The following PDE4D variants were observed in gnomAD, a reference collection of about 807,000 sequenced individuals.
PDE4D encodes phosphodiesterase 4D.
Under a neutral mutation model 87.4 loss-of-function variants are expected in PDE4D, and 24 were observed. The ratio of observed to expected loss-of-function variants is 0.27; its 90% CI spans 0.20 to 0.39. The LOEUF (loss-of-function observed/expected upper bound fraction) is 0.39, where lower values mean the gene tolerates loss of function less well. Ranked by LOEUF, PDE4D falls within the 10% of genes least tolerant of loss-of-function variation. PDE4D has a pLI of 1.00. For missense variants in PDE4D, 714 were observed against 1,041.0 expected (o/e 0.69, Z 4.32); for synonymous variants, 384 against 383.2 (o/e 1.00, Z -0.02).
intron 5 of PDE4D, among the ~76,000 whole-genome samples, chr5:59,144,898 G>GA (rs1411939044): frequency 2.1e-5 from 3 of 143,408 alleles, no homozygotes; most frequent in Non-Finnish European, 4.6e-5. Context: ...AATGGGGGGG[G>GA]GGGGGGGAAC....
intron 1 of PDE4D, among the ~76,000 whole-genome samples, chr5:59,239,178 C>A (rs1402025661): frequency 6.6e-6 from 1 of 152,234 alleles, no homozygotes; most frequent in East Asian, 1.9e-4. Flanking sequence ...GTACTGCTGT[C>A]TGTTGATAGA....
chr5:60,106,060 G>A lies in PDE4D; in HGVS notation c.42+79497C>T, dbSNP rs1204532638. ...ATGCTCCAATTAAAAGACACAGACT[G>A]GCAAATTGGATAAAGGGTCAAGACC... On this transcript the variant is annotated intron_variant, in intron 2 of 16. Transcript: ENST00000502484. Among the ~76,000 whole-genome samples the A allele has an allele frequency of 3.3e-5, 5 of 152,102 alleles. No homozygotes were observed. In the South Asian group the frequency reaches 1.0e-3, roughly 32 times the overall value.
intron 1 of PDE4D, among the ~76,000 whole-genome samples, chr5:59,403,246 A>G (rs1464901743): frequency 6.6e-6 from 1 of 151,600 alleles, no homozygotes; most frequent in African/African-American, 2.4e-5. Context: ...ATGCATAATA[A>G]TATCAGGGTA....
At chr5:59,946,527 A>T (rs1229345220) in intron 3 of PDE4D, among the ~76,000 whole-genome samples, 4 of 152,200 alleles carry the variant, frequency 2.6e-5, no homozygotes, top group Non-Finnish European at 5.9e-5. Context: ...AGACTTTCTA[A>T]AGTATCCTGG....
intron 1 of PDE4D, among the ~76,000 whole-genome samples, chr5:59,409,760 ATTTC>A (rs1434613046): frequency 1.3e-5 from 2 of 151,918 alleles, no homozygotes; most frequent in African/African-American, 4.8e-5. Flanking sequence ...TCTCTCAGGT[ATTTC>A]TTTATAGCAA....
intron 2 of PDE4D, among the ~76,000 whole-genome samples, chr5:60,018,561 C>T (rs893486745): frequency 6.6e-6 from 1 of 152,118 alleles, no homozygotes; most frequent in African/African-American, 2.4e-5. Context: ...GATAAAGAAT[C>T]AAGACACATC....
intron 1 of PDE4D, among the ~76,000 whole-genome samples, chr5:60,257,378 T>C (rs1054599584): frequency 1.3e-5 from 2 of 152,118 alleles, no homozygotes; most frequent in South Asian, 2.1e-4. Context: ...GCTATTATTT[T>C]CTTTGCTATA....
At chr5:60,280,604 G>A (rs1367080558) in intron 1 of PDE4D, among the ~76,000 whole-genome samples, 1 of 151,802 alleles carries the variant, frequency 6.6e-6, no homozygotes, top group East Asian at 1.9e-4. Flanking sequence ...GGCAGGGAGA[G>A]CTACACTTCG....
At chr5:60,179,986 A>AT (rs1784249659) in intron 2 of PDE4D, among the ~76,000 whole-genome samples, 2 of 152,232 alleles carry the variant, frequency 1.3e-5, no homozygotes, top group Admixed American at 6.5e-5. Flanking sequence ...ATTTCTCTCC[A>AT]TTTTTTTGTA....
At chr5:59,955,550 G>A (rs1758733093) in intron 3 of PDE4D, among the ~76,000 whole-genome samples, 1 of 152,144 alleles carries the variant, frequency 6.6e-6, no homozygotes, top group African/African-American at 2.4e-5. Context: ...ACACTGCAGG[G>A]ATTACTCAGC....
intron 1 of PDE4D, among the ~76,000 whole-genome samples, chr5:60,453,834 CT>C (rs1448262298): frequency 2.0e-5 from 3 of 152,096 alleles, no homozygotes; most frequent in East Asian, 3.9e-4. Context: ...CTTTCATGAT[CT>C]TTTGAAGAAA....
intron 5 of PDE4D, among the ~76,000 whole-genome samples, chr5:59,049,175 T>C (rs545567661): frequency 6.6e-6 from 1 of 152,370 alleles, no homozygotes; most frequent in Admixed American, 6.5e-5. Context: ...GTATGACTTT[T>C]CTAATGTCAT....
At chr5:59,362,908 G>C (rs924952817) in intron 1 of PDE4D, among the ~76,000 whole-genome samples, 2 of 152,138 alleles carry the variant, frequency 1.3e-5, no homozygotes, top group Non-Finnish European at 2.9e-5. Flanking sequence ...TTCCGTGACT[G>C]TTCAATATCT....
At chr5:60,151,855 GA>G (rs1489217066) in intron 2 of PDE4D, among the ~76,000 whole-genome samples, 2 of 152,150 alleles carry the variant, frequency 1.3e-5, no homozygotes, top group Admixed American at 6.5e-5. Context: ...TTTCATCACT[GA>G]GTATTCAGTT....
At position 60,083,417 on chromosome 5, in the gene PDE4D, G is replaced by A. The variant is rs897602829; in HGVS notation, c.43-94700C>T. On this transcript the variant is annotated intron_variant, in intron 2 of 16. Coordinates refer to the PDE4D transcript ENST00000502484. ...TAGGCTGTAGCAAAAACACTCAACA[G>A]TGAAAAGCAAAAGAAGCCACTCACG... Among the ~76,000 whole-genome samples, 86 of 152,224 alleles carry A rather than the reference G, an allele frequency of 5.6e-4. 1 individual carries two copies. Among genetic ancestry groups the A allele is most frequent in the African/African-American group, 2.0e-3 (84 of 41,532 alleles).
At chr5:60,444,912 GAA>G (rs34069629) in intron 1 of PDE4D, among the ~76,000 whole-genome samples, 71 of 138,188 alleles carry the variant, frequency 5.1e-4, no homozygotes, top group South Asian at 1.4e-3. Context: ...CCTCTACTCA[GAA>G]AAAAAAAAAA....
At chr5:60,278,124 A>G (rs1751554944) in intron 1 of PDE4D, among the ~76,000 whole-genome samples, 1 of 151,906 alleles carries the variant, frequency 6.6e-6, no homozygotes, top group South Asian at 2.1e-4. Flanking sequence ...CCTGGTGATA[A>G]TCTGTTTTTA....
intron 3 of PDE4D, among the ~76,000 whole-genome samples, chr5:59,980,250 T>C (rs1237888455): frequency 6.6e-6 from 1 of 152,240 alleles, no homozygotes; most frequent in Non-Finnish European, 1.5e-5. Context: ...AGGGCAGTGT[T>C]TGTTGCAAAG....
intron 2 of PDE4D, among the ~76,000 whole-genome samples, chr5:59,195,223 G>A (rs932389092): frequency 2.0e-5 from 3 of 151,986 alleles, no homozygotes; most frequent in African/African-American, 4.8e-5. Flanking sequence ...CTAAGATAGT[G>A]TTCTTCTGTC....
Sources: allele counts gnomAD v4.1 joint callset (sites outside exome capture counted in the v4.1 genomes callset), GRCh38; gene constraint gnomAD v4.1.1; transcripts MANE v1.5; gene names NCBI Gene and HGNC (gene_info 2026-07-23, HGNC 2026-07-21).